Variants in LRRC4C observed in about 807,000 individuals in gnomAD.
LRRC4C encodes leucine-rich repeat-containing protein 4C.
Under a neutral mutation model 33.6 loss-of-function variants are expected in LRRC4C, and 5 were observed. The ratio of observed to expected loss-of-function variants is 0.15; its 90% CI spans 0.08 to 0.31. The LOEUF is 0.31. Among genes scored for constraint, LRRC4C ranks in the 10% least tolerant of loss-of-function variants. The pLI is 1.00. For missense variants in LRRC4C, 560 were observed against 796.7 expected (o/e 0.70, Z 3.58); for synonymous variants, 329 against 302.0 (o/e 1.09, Z -0.93).
chr11:40,535,199 A>C (rs1163339344), intron 3 of LRRC4C, among the ~76,000 whole-genome samples: 1 of 152,206 alleles, frequency 6.6e-6, no homozygotes, highest in Admixed American at 6.5e-5. Context: ...AATGTAAAGA[A>C]AGAAACAAAA....
At chr11:40,949,482 C>A (rs1958588306) in intron 1 of LRRC4C, among the ~76,000 whole-genome samples, 1 of 151,938 alleles carries the variant, frequency 6.6e-6, no homozygotes. Flanking sequence ...TCAGGTTACC[C>A]ACAAAGGGAA....
intron 4 of LRRC4C, among the ~76,000 whole-genome samples, chr11:40,268,488 T>A (rs1942450465): frequency 6.6e-6 from 1 of 152,188 alleles, no homozygotes; most frequent in African/African-American, 2.4e-5. Flanking sequence ...ATAGAGATCC[T>A]TAAAATTCAT....
At chr11:41,445,961 T>C (rs1295126067) in intron 1 of LRRC4C, among the ~76,000 whole-genome samples, 1 of 151,922 alleles carries the variant, frequency 6.6e-6, no homozygotes, top group East Asian at 1.9e-4. Flanking sequence ...TTGAAGCTGT[T>C]AATCATTTAG....
At chr11:41,115,786 C>T (rs186111562) in intron 1 of LRRC4C, among the ~76,000 whole-genome samples, 114 of 152,182 alleles carry the variant, frequency 7.5e-4, no homozygotes, top group African/African-American at 2.4e-3. Flanking sequence ...GTCAGTCTCC[C>T]GCAACTGGTA....
intron 3 of LRRC4C, among the ~76,000 whole-genome samples, chr11:40,459,467 T>C (rs1952290638): frequency 6.6e-6 from 1 of 152,222 alleles, no homozygotes; most frequent in Admixed American, 6.5e-5. Flanking sequence ...TATTAAATGA[T>C]ATTACAGACA....
chr11:40,769,961 C>T (rs1193746371), intron 2 of LRRC4C, among the ~76,000 whole-genome samples: 1 of 151,840 alleles, frequency 6.6e-6, no homozygotes, highest in Non-Finnish European at 1.5e-5. Flanking sequence ...CCTTATATCC[C>T]CAACCAGAGA....
intron 2 of LRRC4C, among the ~76,000 whole-genome samples, chr11:40,681,877 T>C (rs915725484): frequency 1.3e-5 from 2 of 152,134 alleles, no homozygotes; most frequent in African/African-American, 4.8e-5. Context: ...TTCTCACTGA[T>C]ATGTGGGAGC....
chr11:40,984,090 A>T (rs889939251), intron 1 of LRRC4C, among the ~76,000 whole-genome samples: 2 of 151,936 alleles, frequency 1.3e-5, no homozygotes. Context: ...TTGGGATGTG[A>T]TATGTTCAAT....
intron 1 of LRRC4C, among the ~76,000 whole-genome samples, chr11:41,397,594 A>C (rs559386955): frequency 6.6e-6 from 1 of 151,752 alleles, no homozygotes; most frequent in Non-Finnish European, 1.5e-5. Flanking sequence ...GTCAAAAGTT[A>C]TATGTGGATT....
chr11:40,877,273 C>A (rs1446873936), intron 2 of LRRC4C, among the ~76,000 whole-genome samples: 2 of 152,060 alleles, frequency 1.3e-5, no homozygotes, highest in Non-Finnish European at 2.9e-5. Flanking sequence ...CATACGGACA[C>A]AAAATGACCA....
At chr11:41,106,244 C>T (rs1941486444) in intron 1 of LRRC4C, among the ~76,000 whole-genome samples, 1 of 147,606 alleles carries the variant, frequency 6.8e-6, no homozygotes, top group South Asian at 2.2e-4. Flanking sequence ...TCTGTCTGCG[C>T]ATTTGTGTGT....
At chr11:41,141,591 C>T (rs371437136) in intron 1 of LRRC4C, among the ~76,000 whole-genome samples, 4 of 152,070 alleles carry the variant, frequency 2.6e-5, no homozygotes, top group Admixed American at 6.6e-5. Flanking sequence ...ATCGTGGGAG[C>T]GGTTTCTTCC....
intron 1 of LRRC4C, among the ~76,000 whole-genome samples, chr11:41,133,973 G>A (rs1357342341): frequency 6.6e-6 from 1 of 152,146 alleles, no homozygotes; most frequent in African/African-American, 2.4e-5. Context: ...CCTTCCTGAA[G>A]TATATAAATC....
At chr11:41,351,252 T>TACAC (rs35682867) in intron 1 of LRRC4C, among the ~76,000 whole-genome samples, 14 of 149,334 alleles carry the variant, frequency 9.4e-5, no homozygotes, top group South Asian at 4.3e-4. Context: ...CACACACACA[T>TACAC]ACACACACAC....
intron 1 of LRRC4C, among the ~76,000 whole-genome samples, chr11:41,361,301 C>G (rs1236025068): frequency 6.6e-6 from 1 of 152,192 alleles, no homozygotes; most frequent in Non-Finnish European, 1.5e-5. Flanking sequence ...CAAATCCAGA[C>G]TATAACCCAT....
chr11:41,280,630 G>A (rs1295493856), intron 1 of LRRC4C, among the ~76,000 whole-genome samples: 1 of 152,024 alleles, frequency 6.6e-6, no homozygotes, highest in Admixed American at 6.6e-5. Context: ...GGTTTTAAAC[G>A]GTTCCACACT....
intron 2 of LRRC4C, among the ~76,000 whole-genome samples, chr11:40,822,948 T>A (rs1218815745): frequency 6.6e-6 from 1 of 151,818 alleles, no homozygotes; most frequent in Non-Finnish European, 1.5e-5. Context: ...CTCCACAGAA[T>A]AATCTTGGTA....
chr11:40,988,873 C>T (rs1337224978), intron 1 of LRRC4C, among the ~76,000 whole-genome samples: 2 of 151,846 alleles, frequency 1.3e-5, no homozygotes, highest in South Asian at 2.1e-4. Flanking sequence ...CCTGCCACCA[C>T]GCCCGGCTAA....
chr11:41,311,315 T>C (rs1432089253), intron 1 of LRRC4C, among the ~76,000 whole-genome samples: 1 of 152,158 alleles, frequency 6.6e-6, no homozygotes, highest in Non-Finnish European at 1.5e-5. Context: ...TTAGATTTAT[T>C]TTCTATATGT....
Sources: allele counts gnomAD v4.1 joint callset (sites outside exome capture counted in the v4.1 genomes callset), GRCh38; gene constraint gnomAD v4.1.1; transcripts MANE v1.5; gene names NCBI Gene and HGNC (gene_info 2026-07-23, HGNC 2026-07-21).